The following RAB7A variants were observed in gnomAD, a reference collection of about 807,000 sequenced individuals.
RAB7A encodes RAB7A, member RAS oncogene family, also known as ras-related protein Rab-7a.
Under a neutral mutation model 24.5 loss-of-function variants are expected in RAB7A, and 2 were observed. The ratio of observed to expected loss-of-function variants is 0.08; its 90% CI spans 0.03 to 0.26. The LOEUF (loss-of-function observed/expected upper bound fraction) is 0.26, where lower values mean the gene tolerates loss of function less well. Ranked by LOEUF, RAB7A falls within the 10% of genes least tolerant of loss-of-function variation. The pLI, the probability that RAB7A is intolerant of heterozygous loss-of-function variation, is 1.00. For missense variants in RAB7A, 118 were observed against 255.7 expected (o/e 0.46, Z 3.67); for synonymous variants, 100 against 95.9 (o/e 1.04, Z -0.25).
In RAB7A at chr3:128,807,538, T is replaced by C; in HGVS notation, c.400-5T>C. 1 of 1,614,006 alleles carries C rather than the reference T, an allele frequency of 6.2e-7. No individual in the cohort carries two copies. Among genetic ancestry groups the C allele is most frequent in the Non-Finnish European group, 8.5e-7 (1 of 1,180,006 alleles). ...AGCCTATGTGCACCCTGCTTCTTCT[T>C]TCAGGTGGCCACAAAGCGGGCACAG... On this transcript the variant is annotated splice_polypyrimidine_tract_variant and splice_region_variant and intron_variant, in intron 4 of 5. Coordinates refer to ENST00000265062, the MANE Select transcript of RAB7A (RefSeq NM_004637.6).
chr3:128,810,770 C>G (rs1933906224), intron 5 of RAB7A, among the ~76,000 whole-genome samples: 1 of 152,124 alleles, frequency 6.6e-6, no homozygotes, highest in Non-Finnish European at 1.5e-5. Flanking sequence ...AACATTCTGC[C>G]CAGCCGAGTG....
At chr3:128,770,817 A>G (rs1022254179) in intron 1 of RAB7A, among the ~76,000 whole-genome samples, 1 of 152,156 alleles carries the variant, frequency 6.6e-6, no homozygotes, top group African/African-American at 2.4e-5. Flanking sequence ...TCTTCCTGAA[A>G]AAATCCAAGT....
At chr3:128,761,429 G>A (rs776529089) in intron 1 of RAB7A, among the ~76,000 whole-genome samples, 2 of 152,164 alleles carry the variant, frequency 1.3e-5, no homozygotes, top group African/African-American at 2.4e-5. Flanking sequence ...TACATTTATT[G>A]CCATTTTCCT....
rs1237173920 is a variant in RAB7A, at chr3:128,810,836, C to T, written c.529-2491C>T. Reference sequence around the variant, plus strand: ...CGGGAGGCTGAGGCGGGTGGATCACCTTAGGTCAGGAGTTCAAGACCAGCC... The same window carrying T: ...CGGGAGGCTGAGGCGGGTGGATCACTTTAGGTCAGGAGTTCAAGACCAGCC... On this transcript the variant is annotated intron_variant, in intron 5 of 5. Coordinates refer to ENST00000265062, the MANE Select transcript of RAB7A (RefSeq NM_004637.6). Among the ~76,000 whole-genome samples the T allele has an allele frequency of 3.9e-5, 6 of 152,182 alleles. No individual in the cohort carries two copies. The South Asian group carries it at 1.0e-3, about 26-fold the overall frequency.
chr3:128,768,943 C>T (rs1046773896), intron 1 of RAB7A, among the ~76,000 whole-genome samples: 1 of 143,796 alleles, frequency 7.0e-6, no homozygotes, highest in Non-Finnish European at 1.5e-5. Context: ...CTTTTCCTTT[C>T]CTTTCCTTTT....
At chr3:128,812,520 G>A (rs1933949280) in intron 5 of RAB7A, among the ~76,000 whole-genome samples, 2 of 152,210 alleles carry the variant, frequency 1.3e-5, no homozygotes, top group Non-Finnish European at 2.9e-5. Context: ...AATAGAAACA[G>A]TTCCTGCTTT....
chr3:128,776,266 C>T (rs968523712), intron 1 of RAB7A, among the ~76,000 whole-genome samples: 5 of 151,960 alleles, frequency 3.3e-5, no homozygotes, highest in Middle Eastern at 6.8e-3. Flanking sequence ...ATATATGCCA[C>T]GGTTTTTTTT....
At chr3:128,799,064 GCTCTGTGATGA>G (rs940386564) in intron 3 of RAB7A, 2 of 159,630 alleles carry the variant, frequency 1.3e-5, no homozygotes, top group African/African-American at 4.8e-5. Context: ...AATTTTCCCA[GCTCTGTGATGA>G]CCAGTGATTT....
intron 1 of RAB7A, among the ~76,000 whole-genome samples, chr3:128,775,313 T>G (rs952731753): frequency 1.3e-5 from 2 of 152,174 alleles, no homozygotes; most frequent in South Asian, 4.1e-4. Context: ...TGAGCCCCAT[T>G]GTCTTGGTCA....
At chr3:128,762,132 A>T (rs75181742) in intron 1 of RAB7A, among the ~76,000 whole-genome samples, 4,521 of 152,322 alleles carry the variant, frequency 0.03, 186 homozygotes, top group African/African-American at 0.1. Context: ...TAATTTATGT[A>T]GGAATACTTT....
chr3:128,754,725 T>A (rs962090360), intron 1 of RAB7A, among the ~76,000 whole-genome samples: 1 of 152,184 alleles, frequency 6.6e-6, no homozygotes, highest in Non-Finnish European at 1.5e-5. Flanking sequence ...TCTCTTCATA[T>A]AGTAACCAAA....
At chr3:128,810,670 G>C (rs552172257) in intron 5 of RAB7A, among the ~76,000 whole-genome samples, 25 of 152,298 alleles carry the variant, frequency 1.6e-4, no homozygotes, top group African/African-American at 6.0e-4. Flanking sequence ...TCCCCATCCT[G>C]CAACCTCATT....
chr3:128,753,485 TGAG>T (rs948838510), intron 1 of RAB7A, among the ~76,000 whole-genome samples: 23 of 152,312 alleles, frequency 1.5e-4, no homozygotes, highest in African/African-American at 4.8e-4. Context: ...TTTTAAAAAA[TGAG>T]GGTGGAATTA....
At chr3:128,742,965 T>A (rs1280144845) in intron 1 of RAB7A, among the ~76,000 whole-genome samples, 1 of 152,166 alleles carries the variant, frequency 6.6e-6, no homozygotes, top group Non-Finnish European at 1.5e-5. Context: ...GACCAGGCGC[T>A]GCAGAGCAGG....
chr3:128,811,532 C>G (rs987060233), intron 5 of RAB7A, among the ~76,000 whole-genome samples: 1 of 152,136 alleles, frequency 6.6e-6, no homozygotes, highest in African/African-American at 2.4e-5. Flanking sequence ...GCAAAAAGAC[C>G]ATATGTTGTA....
chr3:128,808,227 G>T (rs1375632892), intron 5 of RAB7A, among the ~76,000 whole-genome samples: 1 of 152,122 alleles, frequency 6.6e-6, no homozygotes, highest in Non-Finnish European at 1.5e-5. Flanking sequence ...AGACCTGGTG[G>T]TGGTCGCCAG....
intron 1 of RAB7A, among the ~76,000 whole-genome samples, chr3:128,779,939 G>C (rs1933183313): frequency 6.6e-6 from 1 of 152,136 alleles, no homozygotes; most frequent in Non-Finnish European, 1.5e-5. Context: ...AGGGAGTTTG[G>C]GGCTGGGATT....
rs373522962 is a variant in RAB7A at position 128,766,627 on chromosome 3, T to C, written c.-8-28733T>C. ...CATAGGAATGGTCATACATTTTGGT[T>C]GGTTGGTTTGTTTGTTTATTTTTTG... On this transcript the variant is annotated intron_variant, in intron 1 of 5. Transcript: ENST00000265062. Among the ~76,000 whole-genome samples the C allele has an allele frequency of 1.1e-4, 16 of 152,296 alleles. 1 individual carries two copies. Among genetic ancestry groups the C allele is most frequent in the Admixed American group, 3.3e-4 (5 of 15,296 alleles).
At chr3:128,776,349 A>G (rs1366596883) in intron 1 of RAB7A, among the ~76,000 whole-genome samples, 1 of 151,976 alleles carries the variant, frequency 6.6e-6, no homozygotes, top group African/African-American at 2.4e-5. Flanking sequence ...AGCTCACTAC[A>G]GCCTGGGTCT....
Sources: allele counts gnomAD v4.1 joint callset (sites outside exome capture counted in the v4.1 genomes callset), GRCh38; gene constraint gnomAD v4.1.1; transcripts MANE v1.5; gene names NCBI Gene and HGNC (gene_info 2026-07-23, HGNC 2026-07-21).